ZNF564: variants seen among roughly 807,000 people sequenced by gnomAD.
The protein encoded by ZNF564 is zinc finger protein 564.
Under a neutral mutation model 10.5 loss-of-function variants are expected in ZNF564, and 5 were observed. The ratio of observed to expected loss-of-function variants is 0.48; its 90% CI spans 0.25 to 1.00. The LOEUF is 1.00. Ranked by LOEUF, ZNF564 falls within the 50% of genes least tolerant of loss-of-function variation. ZNF564 has a pLI of 0.16. For missense variants in ZNF564, 603 were observed against 669.7 expected (o/e 0.90, Z 1.10); for synonymous variants, 242 against 218.1 (o/e 1.11, Z -0.97).
At chr19:12,533,727 C>CAAAAAAAAAAAAAAAAAAAAA (rs59631972) in intron 1 of ZNF564, among the ~76,000 whole-genome samples, 7 of 29,172 alleles carry the variant, frequency 2.4e-4, no homozygotes, top group Non-Finnish European at 3.8e-4. Context: ...CTGCTGTCTC[C>CAAAAAAAAAAAAAAAAAAAAA]AAAAAAAAAA....
At chr19:12,528,188 A>G in intron 3 of ZNF564, 116 bp downstream of exon 3, 1 of 1,106,020 alleles carries the variant, frequency 9.0e-7, no homozygotes. Context: ...TTTCTGGTGA[A>G]AAAGTTGTAG....
intron 1 of ZNF564, among the ~76,000 whole-genome samples, 191 bp from the exon 2 acceptor site, chr19:12,528,887 A>T (rs1310477797): frequency 6.6e-6 from 1 of 152,124 alleles, no homozygotes; most frequent in Non-Finnish European, 1.5e-5. Context: ...AACATGGTGA[A>T]ACCCCATCTC....
intron 1 of ZNF564, among the ~76,000 whole-genome samples, chr19:12,533,433 G>A (rs947559333): frequency 6.6e-6 from 1 of 152,170 alleles, no homozygotes; most frequent in South Asian, 2.1e-4. Context: ...AATCATCTAA[G>A]AGTCTACTTC....
intron 1 of ZNF564, 110 bp downstream of exon 1, chr19:12,551,220 C>T: frequency 7.6e-7 from 1 of 1,312,670 alleles, no homozygotes; most frequent in Non-Finnish European, 1.1e-6. Flanking sequence ...GAACTCGGGT[C>T]CCAGACCCTG....
chr19:12,534,299 AG>A (rs1031664840), intron 1 of ZNF564, among the ~76,000 whole-genome samples: 5 of 152,262 alleles, frequency 3.3e-5, no homozygotes, highest in African/African-American at 1.2e-4. Flanking sequence ...TAAAATATAT[AG>A]ATGGCATATA....
chr19:12,537,448 T>C (rs952601774), intron 1 of ZNF564, among the ~76,000 whole-genome samples: 2 of 152,150 alleles, frequency 1.3e-5, no homozygotes, highest in East Asian at 1.9e-4. Flanking sequence ...TGGAAGACAA[T>C]GTTTTCTAAG....
At chr19:12,545,606 G>A (rs777309868) in intron 1 of ZNF564, among the ~76,000 whole-genome samples, 52 of 152,122 alleles carry the variant, frequency 3.4e-4, no homozygotes, top group Non-Finnish European at 4.1e-4. Flanking sequence ...TGTACAAATC[G>A]TGAGCTCCCA....
chr19:12,532,734 A>G (rs2145071361), intron 1 of ZNF564, among the ~76,000 whole-genome samples: 1 of 151,938 alleles, frequency 6.6e-6, no homozygotes, highest in Non-Finnish European at 1.5e-5. Context: ...TAAAAAAAAT[A>G]AATTAAATTT....
In ZNF564 at chr19:12,527,739, T is replaced by C. The variant is rs747823927; in HGVS notation, c.369A>G (p.Arg123=). Residue 123 remains arginine (R), a synonymous_variant, in exon 4 of 4, where the codon AGA becomes AGG. Transcript: ENST00000339282. ...MHHSSLSRHI[R]SHLGHKPYDY... ...CATATGGTTTGTGTCCAAGGTGAGA[T>C]CTGATGTGCCTACTAAGGGATGAAT... 9 of 1,614,104 alleles carry C rather than the reference T, an allele frequency of 5.6e-6. No individual in the cohort carries two copies. The Admixed American group carries it at 1.0e-4, about 18-fold the overall frequency.
intron 1 of ZNF564, among the ~76,000 whole-genome samples, chr19:12,543,343 G>C: frequency 6.8e-6 from 1 of 148,102 alleles, no homozygotes; most frequent in Admixed American, 6.8e-5. Context: ...GAGGGGAAGG[G>C]GAAGGGGAAG....
Position 12,528,673 on chromosome 19 carries a change from C to T in ZNF564, c.27G>A (p.Val9=), listed in dbSNP as rs2021739900. Residue 9 remains valine, a synonymous_variant, in exon 2 of 4, where the codon GTG becomes GTA. Transcript: ENST00000339282. MDSVASED[V]AVNFTLEEWA... The stretch of plus-strand genomic sequence containing the variant: ...ACTCCTCAAGTGTGAAGTTCACAGC[C>T]ACATCCTCAGAGGCCACTGAGTCCT... 7.4e-6 allele frequency: 12 copies of T among 1,612,670 alleles called. No homozygotes were observed. Among genetic ancestry groups the T allele is most frequent in the Non-Finnish European group, 1.0e-5 (12 of 1,179,702 alleles).
chr19:12,546,192 T>TAG (rs2022148653), intron 1 of ZNF564, among the ~76,000 whole-genome samples: 1 of 152,306 alleles, frequency 6.6e-6, no homozygotes, highest in Admixed American at 6.5e-5. Context: ...AAAGGTGTCT[T>TAG]TCTCTAAGTC....
At chr19:12,528,192 G>C in intron 3 of ZNF564, 112 bp downstream of exon 3, 1 of 1,118,264 alleles carries the variant, frequency 8.9e-7, no homozygotes, top group Non-Finnish European at 1.3e-6. Context: ...TGGTGAAAAA[G>C]TTGTAGGAAT....
intron 1 of ZNF564, among the ~76,000 whole-genome samples, chr19:12,530,474 C>T (rs1043902689): frequency 6.6e-6 from 1 of 152,082 alleles, no homozygotes; most frequent in Non-Finnish European, 1.5e-5. Context: ...ACTAAGAAGA[C>T]AAAATGCCAG....
chr19:12,531,709 A>G (rs2021805463), intron 1 of ZNF564, among the ~76,000 whole-genome samples: 1 of 152,198 alleles, frequency 6.6e-6, no homozygotes. Flanking sequence ...AATATGTCAC[A>G]CCTCAGGTAA....
intron 1 of ZNF564, among the ~76,000 whole-genome samples, chr19:12,543,333 GAGGGGAAGGGGAAGGGGA>G (rs1006371038): frequency 3.5e-5 from 5 of 143,478 alleles, no homozygotes; most frequent in African/African-American, 1.3e-4. Context: ...AAGGGGAGGG[GAGGGGAAGGGGAAGGGGA>G]AGGGGAAGGG....
At chr19:12,532,730 AAATAAATT>A (rs1301712413) in intron 1 of ZNF564, among the ~76,000 whole-genome samples, 2 of 151,800 alleles carry the variant, frequency 1.3e-5, no homozygotes, top group Admixed American at 6.6e-5. Flanking sequence ...TCTCTAAAAA[AAATAAATT>A]AAATTTTTAA....
At chr19:12,536,272 G>A (rs563611099) in intron 1 of ZNF564, among the ~76,000 whole-genome samples, 1 of 152,204 alleles carries the variant, frequency 6.6e-6, no homozygotes, top group Non-Finnish European at 1.5e-5. Context: ...AACCTCCAAG[G>A]CTAAAGTGAT....
chr19:12,540,061 A>C (rs956089893), intron 1 of ZNF564, among the ~76,000 whole-genome samples: 1 of 152,246 alleles, frequency 6.6e-6, no homozygotes, highest in Non-Finnish European at 1.5e-5. Flanking sequence ...TTCATTCAAA[A>C]ATGAAATATG....
Sources: allele counts gnomAD v4.1 joint callset (sites outside exome capture counted in the v4.1 genomes callset), GRCh38; gene constraint gnomAD v4.1.1; transcripts MANE v1.5; gene names NCBI Gene and HGNC (gene_info 2026-07-23, HGNC 2026-07-21).